Variants in UBE2D2 observed in about 807,000 individuals in gnomAD.
The protein encoded by UBE2D2 is ubiquitin conjugating enzyme E2 D2.
UBE2D2 carries 2 observed loss-of-function variants against 24.2 expected under a neutral mutation model. The ratio of observed to expected loss-of-function variants is 0.08; its 90% CI spans 0.03 to 0.26. The LOEUF (loss-of-function observed/expected upper bound fraction) is 0.26, where lower values mean the gene tolerates loss of function less well. Among genes scored for constraint, UBE2D2 ranks in the 10% least tolerant of loss-of-function variants. The probability of loss-of-function intolerance (pLI) is 1.00; values close to 1 mark genes in which losing one functional copy is unlikely to be tolerated. For missense variants in UBE2D2, 44 were observed against 177.6 expected, an observed-to-expected ratio of 0.25 and a Z score of 4.28; for synonymous variants, 58 against 56.5, an observed-to-expected ratio of 1.03 and a Z score of -0.12.
intron 2 of UBE2D2, among the ~76,000 whole-genome samples, chr5:139,609,598 C>T (rs1383060862): frequency 1.3e-5 from 2 of 150,166 alleles, no homozygotes; most frequent in African/African-American, 2.4e-5. Flanking sequence ...CTTGAACTCC[C>T]AACCTCAGGT....
rs1753186116 is a variant in UBE2D2 at position 139,564,874 on chromosome 5, T to A, written c.24+3059T>A. Among the ~76,000 whole-genome samples the A allele has an allele frequency of 2.0e-5, 3 of 152,242 alleles. No individual in the cohort carries two copies. In the South Asian group the frequency reaches 6.2e-4, roughly 31 times the overall value. On this transcript the variant is annotated intron_variant, in intron 1 of 6. Transcript: ENST00000398733. ...AGTGATAAGAAAAATGAAGTTTATTTTGGTATACCACTCAAAAAGATTGTG... is the reference window on the plus strand; with the variant it reads ...AGTGATAAGAAAAATGAAGTTTATTATGGTATACCACTCAAAAAGATTGTG...
At chr5:139,562,006 G>A (rs566197871) in intron 1 of UBE2D2, 191 bp downstream of exon 1, 5 of 914,042 alleles carry the variant, frequency 5.5e-6, no homozygotes, top group Admixed American at 7.0e-5. Context: ...CCGCGCTTAG[G>A]CCGGAGGTGC....
chr5:139,556,394 G>A (rs1314817510), upstream of UBE2D2, among the ~76,000 whole-genome samples: 2 of 152,014 alleles, frequency 1.3e-5, no homozygotes, highest in Non-Finnish European at 2.9e-5. Context: ...GGGCAACAGA[G>A]CAAGGCTCTG....
intron 1 of UBE2D2, among the ~76,000 whole-genome samples, chr5:139,538,710 A>C (rs1442580665): frequency 6.6e-6 from 1 of 152,016 alleles, no homozygotes; most frequent in Non-Finnish European, 1.5e-5. Flanking sequence ...GTCTCTACTA[A>C]AAATACAAAG....
intron 1 of UBE2D2, among the ~76,000 whole-genome samples, chr5:139,573,163 G>A (rs1753390971): frequency 1.3e-5 from 2 of 148,644 alleles, no homozygotes; most frequent in South Asian, 4.2e-4. Context: ...TTAGCCAGAC[G>A]TGGTGGTGGG....
At chr5:139,574,735 C>CAAAAAAAAAA (rs75539434) in intron 1 of UBE2D2, among the ~76,000 whole-genome samples, 1 of 70,742 alleles carries the variant, frequency 1.4e-5, no homozygotes, top group African/African-American at 4.9e-5. Flanking sequence ...GGTGGGGTGG[C>CAAAAAAAAAA]AAAAAAAAAA....
chr5:139,533,170 T>C (rs551407180), intron 1 of UBE2D2, among the ~76,000 whole-genome samples: 6 of 151,806 alleles, frequency 4.0e-5, no homozygotes, highest in Non-Finnish European at 7.4e-5. Flanking sequence ...ATAGGGGATA[T>C]ACATACACAT....
chr5:139,623,081 TA>T (rs1754545990), intron 5 of UBE2D2, among the ~76,000 whole-genome samples: 1 of 151,666 alleles, frequency 6.6e-6, no homozygotes, highest in Non-Finnish European at 1.5e-5. Flanking sequence ...TTCAAGCCTG[TA>T]ATCCCAGGAC....
intron 5 of UBE2D2, among the ~76,000 whole-genome samples, chr5:139,621,057 C>A (rs146985307): frequency 6.6e-6 from 1 of 152,252 alleles, no homozygotes; most frequent in Non-Finnish European, 1.5e-5. Flanking sequence ...CTAGCCTGGC[C>A]AACATGGCAA....
intron 1 of UBE2D2, among the ~76,000 whole-genome samples, chr5:139,536,772 G>A (rs192593671): frequency 6.6e-6 from 1 of 152,188 alleles, no homozygotes. Context: ...TTACAGGTGT[G>A]AGCCACCGCA....
rs570418880 is a variant in UBE2D2 at position 139,584,141 on chromosome 5, A to G, written c.25-16231A>G. Among the ~76,000 whole-genome samples, 6 of 152,262 alleles carry G rather than the reference A, an allele frequency of 3.9e-5. No individual in the cohort carries two copies. The South Asian group carries it at 8.3e-4, about 21-fold the overall frequency. ...AGACTTTGTTCATGATGAGTGCCCTATAGAGGTGTGCCATTTTTTTACCTT... is the reference window on the plus strand; with the variant it reads ...AGACTTTGTTCATGATGAGTGCCCTGTAGAGGTGTGCCATTTTTTTACCTT... On this transcript the variant is annotated intron_variant, in intron 1 of 6. Coordinates refer to ENST00000398733, the MANE Select transcript of UBE2D2 (RefSeq NM_003339.3).
intron 1 of UBE2D2, among the ~76,000 whole-genome samples, chr5:139,540,317 A>G (rs2126631865): frequency 6.6e-6 from 1 of 152,260 alleles, no homozygotes; most frequent in African/African-American, 2.4e-5. Flanking sequence ...GAATCTATAA[A>G]TATTTTTAAA....
chr5:139,577,352 G>A (rs182084393), intron 1 of UBE2D2, among the ~76,000 whole-genome samples: 9 of 149,278 alleles, frequency 6.0e-5, no homozygotes, highest in Non-Finnish European at 1.5e-5. Context: ...TCTTTTGGGT[G>A]ATCATAGTTT....
At chr5:139,539,782 G>A (rs114532398) in intron 1 of UBE2D2, among the ~76,000 whole-genome samples, 175 of 151,550 alleles carry the variant, frequency 1.2e-3, no homozygotes, top group African/African-American at 4.0e-3. Context: ...AGTAGATATC[G>A]TGTTGGGTTT....
chr5:139,602,653 G>A (rs1230048776), intron 2 of UBE2D2, among the ~76,000 whole-genome samples: 1 of 152,034 alleles, frequency 6.6e-6, no homozygotes, highest in African/African-American at 2.4e-5. Flanking sequence ...ACTCCAGCCT[G>A]GGCAACGGGA....
chr5:139,539,462 G>T (rs528738566), intron 1 of UBE2D2, among the ~76,000 whole-genome samples: 57 of 152,284 alleles, frequency 3.7e-4, no homozygotes, highest in African/African-American at 1.4e-3. Flanking sequence ...TGATTCTAAA[G>T]AGATGACATG....
chr5:139,622,465 A>G (rs947549079), intron 5 of UBE2D2, among the ~76,000 whole-genome samples: 1 of 150,328 alleles, frequency 6.7e-6, no homozygotes, highest in Non-Finnish European at 1.5e-5. Context: ...GGATGGTCTC[A>G]ATCTCTTGAT....
chr5:139,569,256 G>A (rs548335363), intron 1 of UBE2D2, among the ~76,000 whole-genome samples: 49 of 151,962 alleles, frequency 3.2e-4, no homozygotes, highest in Admixed American at 2.0e-3. Context: ...CTTTACAAAA[G>A]ATCATTGAAT....
At chr5:139,624,907 A>T (rs1754582543) in intron 6 of UBE2D2, among the ~76,000 whole-genome samples, 1 of 152,272 alleles carries the variant, frequency 6.6e-6, no homozygotes, top group Admixed American at 6.5e-5. Flanking sequence ...ATTTATTGTC[A>T]AATTTTTTTG....
Sources: allele counts gnomAD v4.1 joint callset (sites outside exome capture counted in the v4.1 genomes callset), GRCh38; gene constraint gnomAD v4.1.1; transcripts MANE v1.5; gene names NCBI Gene and HGNC (gene_info 2026-07-23, HGNC 2026-07-21).